Variants in CNBD1 observed in about 807,000 individuals in gnomAD.
The protein encoded by CNBD1 is cyclic nucleotide binding domain containing 1.
Under a neutral mutation model 54.4 loss-of-function variants are expected in CNBD1, and 71 were observed. The observed-to-expected ratio is 1.30, with a 90% CI of 1.08 to 1.59. The LOEUF is 1.59. Ranked by LOEUF, CNBD1 falls within the 40% of genes most tolerant of loss-of-function variation. The probability of loss-of-function intolerance (pLI) is 0.00; values close to 1 mark genes in which losing one functional copy is unlikely to be tolerated. For missense variants in CNBD1, 659 were observed against 518.0 expected, an observed-to-expected ratio of 1.27 and a Z score of -2.64; for synonymous variants, 182 against 170.7, an observed-to-expected ratio of 1.07 and a Z score of -0.51.
At chr8:87,112,519 A>G (rs1418777975) in intron 4 of CNBD1, among the ~76,000 whole-genome samples, 2 of 152,148 alleles carry the variant, frequency 1.3e-5, no homozygotes, top group African/African-American at 4.8e-5. Flanking sequence ...TTTGCTTCAT[A>G]TGGTTGATTA....
intron 2 of CNBD1, among the ~76,000 whole-genome samples, chr8:87,422,922 CGTTT>C (rs1053383624): frequency 4.6e-5 from 7 of 151,952 alleles, no homozygotes; most frequent in African/African-American, 1.7e-4. Flanking sequence ...AATGTTCTTC[CGTTT>C]GTTTGTATCC....
At chr8:87,367,893 C>T (rs759176777) in intron 10 of CNBD1, among the ~76,000 whole-genome samples, 2 of 151,982 alleles carry the variant, frequency 1.3e-5, no homozygotes, top group East Asian at 1.9e-4. Flanking sequence ...ATATGTTGGC[C>T]GGGAGTGGTG....
At chr8:87,248,857 C>G (rs1341949079) in intron 6 of CNBD1, among the ~76,000 whole-genome samples, 1 of 152,110 alleles carries the variant, frequency 6.6e-6, no homozygotes. Flanking sequence ...GACAAGTACA[C>G]AGTGCAGGAA....
chr8:86,923,110 C>G (rs1228676440), intron 3 of CNBD1, among the ~76,000 whole-genome samples: 2 of 152,146 alleles, frequency 1.3e-5, no homozygotes, highest in Non-Finnish European at 2.9e-5. Context: ...AACAAAGGAA[C>G]AAAACAGCGA....
At chr8:86,972,143 G>T (rs1225326099) in intron 4 of CNBD1, among the ~76,000 whole-genome samples, 1 of 151,806 alleles carries the variant, frequency 6.6e-6, no homozygotes, top group Non-Finnish European at 1.5e-5. Context: ...GTAGAGACGG[G>T]GTTTCACCAT....
In CNBD1 at chr8:87,274,263, T is replaced by C. The variant is rs1316062810; in HGVS notation, c.772-10415T>C. On this transcript the variant is annotated intron_variant, in intron 6 of 10. Transcript: ENST00000518476. ...CATGTGTCTTTATAGCAGCATGATT[T>C]ATAGTCCTTTGGGTATATACCCAGT... 6.6e-5 allele frequency among the ~76,000 whole-genome samples: 10 copies of C among 150,560 alleles called. No homozygotes were observed. The East Asian group carries it at 1.6e-3, about 23-fold the overall frequency.
intron 3 of CNBD1, among the ~76,000 whole-genome samples, chr8:86,928,462 G>T (rs150915934): frequency 6.6e-6 from 1 of 152,080 alleles, no homozygotes; most frequent in Admixed American, 6.5e-5. Context: ...TATCCCTAGC[G>T]CCCTGGAAAT....
chr8:86,963,661 G>A (rs1195308968), intron 4 of CNBD1, among the ~76,000 whole-genome samples: 1 of 152,206 alleles, frequency 6.6e-6, no homozygotes, highest in African/African-American at 2.4e-5. Flanking sequence ...AAGAGATTGG[G>A]TTTTTCCTGA....
chr8:87,118,570 A>G (rs367734767), intron 4 of CNBD1, among the ~76,000 whole-genome samples: 1 of 152,178 alleles, frequency 6.6e-6, no homozygotes, highest in East Asian at 1.9e-4. Context: ...AGCGAGAGCA[A>G]AGAGGTTAGT....
intron 3 of CNBD1, among the ~76,000 whole-genome samples, chr8:86,926,904 G>T (rs1025540328): frequency 1.1e-4 from 16 of 152,168 alleles, no homozygotes; most frequent in African/African-American, 3.9e-4. Context: ...GTAAGTAGGG[G>T]TATTAGTTTT....
intron 2 of CNBD1, among the ~76,000 whole-genome samples, chr8:87,406,934 A>G (rs1807662685): frequency 2.6e-5 from 4 of 152,110 alleles, no homozygotes; most frequent in Admixed American, 2.0e-4. Flanking sequence ...GTATTTTGTA[A>G]TTTACTCTGG....
rs372163128 is a variant in CNBD1 at position 87,272,072 on chromosome 8, G to T, written c.772-12606G>T. On this transcript the variant is annotated intron_variant, in intron 6 of 10. Transcript: ENST00000518476. The stretch of plus-strand genomic sequence containing the variant: ...CATAAAGATAAAATGTAGGCTGGTG[G>T]TTATCAGAGGCCAAGAAGGGTGGGG... Among the ~76,000 whole-genome samples the T allele has an allele frequency of 4.6e-5, 7 of 152,004 alleles. 1 individual carries two copies. Among genetic ancestry groups the T allele is most frequent in the South Asian group, 4.1e-4 (2 of 4,826 alleles).
At chr8:87,251,307 C>A (rs1166009166) in intron 6 of CNBD1, among the ~76,000 whole-genome samples, 1 of 152,038 alleles carries the variant, frequency 6.6e-6, no homozygotes, top group Non-Finnish European at 1.5e-5. Context: ...GGATTGAGGC[C>A]TGGGTGCATT....
intron 4 of CNBD1, among the ~76,000 whole-genome samples, chr8:87,118,124 G>T (rs1435747845): frequency 1.3e-5 from 2 of 151,872 alleles, no homozygotes; most frequent in East Asian, 1.9e-4. Context: ...GACCAGCCTG[G>T]CCAACATGGT....
In CNBD1 at chr8:87,312,665, A is replaced by C. The variant is rs116256623; in HGVS notation, c.1042+25994A>C. Among the ~76,000 whole-genome samples, 777 of 152,124 alleles carry C rather than the reference A, an allele frequency of 5.1e-3. 6 individuals carry two copies. The highest frequency in any genetic ancestry group is 0.018 in the African/African-American group (734 of 41,518). Reference sequence around the variant, plus strand: ...TGAGTAATTAATTTTCCATAATATCATATATTGATTTTTTAGCTTTAATGA... The same window carrying C: ...TGAGTAATTAATTTTCCATAATATCCTATATTGATTTTTTAGCTTTAATGA... On this transcript the variant is annotated intron_variant, in intron 8 of 10. Coordinates refer to ENST00000518476, the MANE Select transcript of CNBD1 (RefSeq NM_173538.3).
At chr8:87,034,363 A>G (rs962731889) in intron 4 of CNBD1, among the ~76,000 whole-genome samples, 2 of 152,224 alleles carry the variant, frequency 1.3e-5, no homozygotes, top group African/African-American at 4.8e-5. Flanking sequence ...ACTGGAGAGA[A>G]CTGCTCATGA....
In CNBD1 at chr8:87,197,548, T is replaced by C. The variant is rs187133564; in HGVS notation, c.432-8445T>C. Among the ~76,000 whole-genome samples, 10 of 151,970 alleles carry C rather than the reference T, an allele frequency of 6.6e-5. No individual in the cohort carries two copies. In the East Asian group the frequency reaches 1.9e-3, roughly 29 times the overall value. On this transcript the variant is annotated intron_variant, in intron 4 of 10. Transcript: ENST00000518476. ...AGAAAGGTGGTAACAGGAGGTGAAA[T>C]GGGTGTTTCTAGCACTTCTGTTTCT...
At chr8:87,286,939 C>A (rs1401415379) in intron 8 of CNBD1, among the ~76,000 whole-genome samples, 1 of 152,056 alleles carries the variant, frequency 6.6e-6, no homozygotes, top group East Asian at 1.9e-4. Context: ...TTGCTCCACC[C>A]TGACAGTTAC....
intron 8 of CNBD1, among the ~76,000 whole-genome samples, chr8:87,333,131 G>A (rs993511772): frequency 2.6e-5 from 4 of 152,022 alleles, no homozygotes; most frequent in Admixed American, 2.6e-4. Flanking sequence ...TCTCTTCATA[G>A]CAATTGTGAA....
Sources: allele counts gnomAD v4.1 joint callset (sites outside exome capture counted in the v4.1 genomes callset), GRCh38; gene constraint gnomAD v4.1.1; transcripts MANE v1.5; gene names NCBI Gene and HGNC (gene_info 2026-07-23, HGNC 2026-07-21).